GRIN2A: variants seen among roughly 807,000 people sequenced by gnomAD.
The protein encoded by GRIN2A is glutamate receptor ionotropic, NMDA 2A.
A neutral mutation model predicts 113.4 loss-of-function variants in GRIN2A; 22 were observed. That is an observed-to-expected ratio of 0.19 (90% CI 0.14 to 0.28). The LOEUF (loss-of-function observed/expected upper bound fraction) is 0.28. Ranked by LOEUF, GRIN2A falls within the 10% of genes least tolerant of loss-of-function variation. GRIN2A has a pLI of 1.00. For missense variants in GRIN2A, 1,502 were observed against 1,887.0 expected, an observed-to-expected ratio of 0.80 and a Z score of 3.78; for synonymous variants, 827 against 738.4, an observed-to-expected ratio of 1.12 and a Z score of -1.94.
At chr16:9,941,278 A>G (rs1366604009) in intron 2 of GRIN2A, among the ~76,000 whole-genome samples, 1 of 152,218 alleles carries the variant, frequency 6.6e-6, no homozygotes, top group African/African-American at 2.4e-5. Context: ...CCCTTGCTCT[A>G]TGTACTCTGA....
chr16:10,122,033 C>G (rs35032885), intron 2 of GRIN2A, among the ~76,000 whole-genome samples: 14,009 of 152,206 alleles, frequency 0.092, 682 homozygotes, highest in Middle Eastern at 0.11. Context: ...GTCAGATGAA[C>G]TTCAAGCACC....
At chr16:9,958,574 G>T (rs144707829) in intron 2 of GRIN2A, among the ~76,000 whole-genome samples, 16 of 152,234 alleles carry the variant, frequency 1.1e-4, no homozygotes, top group African/African-American at 3.9e-4. Flanking sequence ...GAAGCAAATA[G>T]TCTGCAAATT....
At chr16:9,944,399 C>T (rs749422203) in intron 2 of GRIN2A, among the ~76,000 whole-genome samples, 12 of 152,094 alleles carry the variant, frequency 7.9e-5, no homozygotes, top group Non-Finnish European at 1.6e-4. Flanking sequence ...TGGAAAACAA[C>T]TACTCCACCA....
chr16:9,886,608 C>A (rs1411555802), intron 4 of GRIN2A, among the ~76,000 whole-genome samples: 1 of 152,170 alleles, frequency 6.6e-6, no homozygotes, highest in South Asian at 2.1e-4. Context: ...TTCTTGAGTA[C>A]AGAAAATATT....
chr16:10,112,383 G>T, intron 2 of GRIN2A: 1 of 684,078 alleles, frequency 1.5e-6, no homozygotes, highest in Admixed American at 2.0e-5. Flanking sequence ...CACCCAGGAA[G>T]TGATGGCCTG....
At chr16:10,057,970 C>T (rs528861143) in intron 2 of GRIN2A, among the ~76,000 whole-genome samples, 55 of 152,144 alleles carry the variant, frequency 3.6e-4, no homozygotes, top group Admixed American at 7.9e-4. Flanking sequence ...AAATAAAATA[C>T]GTGGCCGGGT....
chr16:9,814,121 G>A (rs1392487640), intron 10 of GRIN2A, among the ~76,000 whole-genome samples: 1 of 152,112 alleles, frequency 6.6e-6, no homozygotes, highest in African/African-American at 2.4e-5. Flanking sequence ...AAATGATAAT[G>A]CTGTGATTTT....
intron 10 of GRIN2A, among the ~76,000 whole-genome samples, chr16:9,801,221 T>C (rs1029477356): frequency 2.0e-5 from 3 of 152,230 alleles, no homozygotes; most frequent in Non-Finnish European, 2.9e-5. Flanking sequence ...GGTGTTGGTC[T>C]CTTGATAAAG....
rs909786010 is a variant in GRIN2A at position 9,924,138 on chromosome 16, A to C, written c.1007+13821T>G. Among the ~76,000 whole-genome samples the C allele has an allele frequency of 2.8e-4, 42 of 151,708 alleles. 1 individual carries two copies. Among genetic ancestry groups the C allele is most frequent in the Admixed American group, 1.2e-3 (19 of 15,204 alleles). ...AAAAAAAAAAAAAAAAAAAAAAAAA[A>C]ACAAAAACCTCATGCGTTTAACAAT... On this transcript the variant is annotated intron_variant, in intron 3 of 12. Coordinates refer to ENST00000330684, the MANE Select transcript of GRIN2A (RefSeq NM_001134407.3).
chr16:9,828,905 G>C (rs2042435905), intron 9 of GRIN2A, among the ~76,000 whole-genome samples: 1 of 152,206 alleles, frequency 6.6e-6, no homozygotes, highest in South Asian at 2.1e-4. Flanking sequence ...TTTCAGGTGA[G>C]TCAGAAGCGC....
intron 2 of GRIN2A, among the ~76,000 whole-genome samples, chr16:10,092,112 G>C (rs905764756): frequency 6.6e-6 from 1 of 152,162 alleles, no homozygotes; most frequent in Non-Finnish European, 1.5e-5. Context: ...CTCCAGTCTA[G>C]TCCTTTCAAC....
At chr16:10,076,600 A>G (rs1012512910) in intron 2 of GRIN2A, among the ~76,000 whole-genome samples, 2 of 152,214 alleles carry the variant, frequency 1.3e-5, no homozygotes, top group African/African-American at 4.8e-5. Flanking sequence ...CAGACAATCC[A>G]GAGCACTCTC....
chr16:10,027,841 CCT>C (rs1290886954), intron 2 of GRIN2A: 3 of 153,176 alleles, frequency 2.0e-5, no homozygotes, highest in African/African-American at 7.2e-5. Context: ...GCGTGCTCCT[CCT>C]CTCTCCTCCC....
At chr16:10,018,175 G>A (rs1478858689) in intron 2 of GRIN2A, among the ~76,000 whole-genome samples, 1 of 152,200 alleles carries the variant, frequency 6.6e-6, no homozygotes, top group Non-Finnish European at 1.5e-5. Context: ...GACGTGATCA[G>A]AAGACATTTA....
intron 10 of GRIN2A, among the ~76,000 whole-genome samples, chr16:9,816,449 G>A (rs2042187086): frequency 1.3e-5 from 2 of 152,028 alleles, no homozygotes; most frequent in African/African-American, 2.4e-5. Flanking sequence ...AAGGAAATTG[G>A]GACTTTTCCA....
At chr16:10,155,068 C>T (rs78923912) in intron 2 of GRIN2A, among the ~76,000 whole-genome samples, 2,092 of 152,198 alleles carry the variant, frequency 0.014, 30 homozygotes, top group Middle Eastern at 0.037. Context: ...TCTGAGGATC[C>T]CATGATGTAC....
chr16:10,138,296 T>C (rs866193562), intron 2 of GRIN2A, among the ~76,000 whole-genome samples: 3 of 152,176 alleles, frequency 2.0e-5, no homozygotes, highest in African/African-American at 2.4e-5. Context: ...ATTTTCACAA[T>C]GTAAAGAACT....
At chr16:10,161,911 A>C (rs2049816264) in intron 2 of GRIN2A, among the ~76,000 whole-genome samples, 1 of 152,144 alleles carries the variant, frequency 6.6e-6, no homozygotes, top group Non-Finnish European at 1.5e-5. Flanking sequence ...TCCCTTTCAT[A>C]AGGAATGATT....
intron 10 of GRIN2A, among the ~76,000 whole-genome samples, chr16:9,802,255 T>A (rs925068996): frequency 6.6e-6 from 1 of 152,128 alleles, no homozygotes; most frequent in East Asian, 1.9e-4. Flanking sequence ...TGCAGCACTA[T>A]TCACAATAGC....
Sources: gnomAD v4.1 joint callset for allele counts (sites outside exome capture counted in the v4.1 genomes callset) on GRCh38, gnomAD v4.1.1 for gene constraint, MANE v1.5 for transcripts, NCBI Gene and HGNC (gene_info 2026-07-23, HGNC 2026-07-21) for gene names.